Variants in NOP9 observed in about 807,000 individuals in gnomAD.
NOP9 encodes nucleolar protein 9.
Under a neutral mutation model 63.0 loss-of-function variants are expected in NOP9, and 50 were observed. The observed-to-expected ratio is 0.79, with a 90% CI of 0.63 to 1.00. NOP9 has a LOEUF of 1.00. Ranked by LOEUF, NOP9 falls within the 50% of genes least tolerant of loss-of-function variation. NOP9 has a pLI of 0.00. For missense variants in NOP9, 758 were observed against 803.0 expected (o/e 0.94, Z 0.68); for synonymous variants, 343 against 332.8 (o/e 1.03, Z -0.33).
In NOP9 at chr14:24,302,347, C is replaced by T; in HGVS notation, c.1066C>T (p.Leu356=). 1 of 1,614,174 alleles carries T rather than the reference C, an allele frequency of 6.2e-7. No homozygotes were observed. Among genetic ancestry groups the T allele is most frequent in the South Asian group, 1.1e-5 (1 of 91,084 alleles). The change falls in exon 5 of 10, where the codon CTG becomes TTG. Residue 356 remains leucine, a synonymous_variant. Transcript: ENST00000267425. ...SLFEEHLQGQ[L]QTLAAHPIAN... ...CTTTGAGGAGCACTTGCAGGGGCAGCTGCAGACCCTGGCTGCACATCCCAT... is the reference window on the plus strand; with the variant it reads ...CTTTGAGGAGCACTTGCAGGGGCAGTTGCAGACCCTGGCTGCACATCCCAT...
At chr14:24,277,524 A>G in the NOP9 span, among the ~76,000 whole-genome samples, 2 of 152,176 alleles carry the variant, frequency 1.3e-5, no homozygotes, top group Non-Finnish European at 2.9e-5. Flanking sequence ...AGAAATGGAC[A>G]ACGAAGAGAG....
chr14:24,285,272 C>T, the NOP9 span, among the ~76,000 whole-genome samples: 1 of 152,188 alleles, frequency 6.6e-6, no homozygotes, highest in African/African-American at 2.4e-5. Context: ...TCTAGGCATT[C>T]ACACTGCTTC....
chr14:24,307,920 G>A lies in NOP9; in HGVS notation c.*2825G>A. The A allele has an allele frequency of 1.4e-6, 2 of 1,426,744 alleles. No homozygotes were observed. The highest frequency in any genetic ancestry group is 1.9e-6 in the Non-Finnish European group (2 of 1,031,980). 88.4% of individuals were successfully genotyped at this position (1,426,744 alleles called of 1,614,324 possible). A position where few individuals can be genotyped will look rare whatever the true frequency, so the allele number is the denominator to read the frequency against. ...CTGGGTGGTTCTCTCCTGTGCTGGG[G>A]CTTTAGTGGTGTTTTCTGTTACAAA... On this transcript the variant is annotated 3_prime_UTR_variant, in exon 10 of 10. Transcript: ENST00000267425.
At position 24,306,144 on chromosome 14, in the gene NOP9, G is replaced by A; in HGVS notation, c.*1049G>A. The A allele has an allele frequency of 6.2e-7, 1 of 1,612,246 alleles. No homozygotes were observed. The highest frequency in any genetic ancestry group is 8.5e-7 in the Non-Finnish European group (1 of 1,178,940). On this transcript the variant is annotated 3_prime_UTR_variant, in exon 10 of 10. Coordinates refer to ENST00000267425, the MANE Select transcript of NOP9 (RefSeq NM_174913.3). ...CATATGACAGCACTCCACTCTGTAG[G>A]ACACCCTTGTCAGTGCAGTAGATCC... is the stretch of plus-strand genomic sequence containing the variant.
chr14:24,290,005 G>T, the NOP9 span, among the ~76,000 whole-genome samples: 146 of 152,376 alleles, frequency 9.6e-4, no homozygotes, highest in Non-Finnish European at 1.7e-3. Flanking sequence ...ACTTTGGATG[G>T]TTATCTAGGC....
At chr14:24,301,199 C>T (rs2041370704) in intron 2 of NOP9, among the ~76,000 whole-genome samples, 1 of 152,108 alleles carries the variant, frequency 6.6e-6, no homozygotes, top group Admixed American at 6.5e-5. Flanking sequence ...ACATGCAGCC[C>T]ACTCTGTTAT....
chr14:24,282,535 C>G, the NOP9 span, among the ~76,000 whole-genome samples: 1 of 152,156 alleles, frequency 6.6e-6, no homozygotes, highest in South Asian at 2.1e-4. Context: ...CACCTTTGCT[C>G]CCTCTTGCTT....
chr14:24,291,101 A>G, the NOP9 span: 1 of 1,613,630 alleles, frequency 6.2e-7, no homozygotes. Flanking sequence ...AACAGAGGGA[A>G]CAGCAGTCAA....
chr14:24,303,585 G>A, intron 6 of NOP9, 147 bp from the exon 7 acceptor site: 2 of 771,598 alleles, frequency 2.6e-6, no homozygotes, highest in Admixed American at 4.3e-5. Context: ...TAGAGGCTGG[G>A]GATACAGCAA....
At chr14:24,278,283 A>G in the NOP9 span, among the ~76,000 whole-genome samples, 1 of 152,150 alleles carries the variant, frequency 6.6e-6, no homozygotes, top group Non-Finnish European at 1.5e-5. Flanking sequence ...CATCAGCTCT[A>G]TCTTAGGATA....
At chr14:24,287,225 C>T in the NOP9 span, among the ~76,000 whole-genome samples, 1 of 152,326 alleles carries the variant, frequency 6.6e-6, no homozygotes, top group African/African-American at 2.4e-5. Context: ...CACCTGCAGC[C>T]CTTCTTGGAG....
At chr14:24,296,994 C>G, upstream of NOP9, 1 of 1,453,950 alleles carries the variant, frequency 6.9e-7, no homozygotes, top group Non-Finnish European at 9.4e-7. Context: ...CCTAGGAGAG[C>G]CTGCTGCAGA....
the NOP9 span, chr14:24,291,709 G>A: frequency 7.0e-7 from 1 of 1,430,528 alleles, no homozygotes; most frequent in Non-Finnish European, 9.9e-7. Context: ...TCTGTTCCAG[G>A]AGAAAAAGAC....
At chr14:24,294,559 G>T in the NOP9 span, 7,833 of 152,000 alleles carry the variant, frequency 0.052, 528 homozygotes, top group East Asian at 0.34. Flanking sequence ...CTGCACTCTA[G>T]CCTGGGTGAC....
rs1235304028 is a variant in NOP9, at chr14:24,304,617, C to T, written c.1753+19C>T. The T allele has an allele frequency of 4.4e-5, 68 of 1,554,542 alleles. No individual in the cohort carries two copies. Among genetic ancestry groups the T allele is most frequent in the Non-Finnish European group, 5.9e-5 (67 of 1,143,280 alleles). On this transcript the variant is annotated intron_variant, in intron 9 of 9. Transcript: ENST00000267425. ...GAGCTTGGTGAGTACCAGCCCCTCT[C>T]TTTGATGTTTCCAGACTCTCCCCTC...
In NOP9 at chr14:24,307,593, G is replaced by A; in HGVS notation, c.*2498G>A. The A allele has an allele frequency of 6.6e-7, 1 of 1,513,884 alleles. No homozygotes were observed. The highest frequency in any genetic ancestry group is 9.1e-7 in the Non-Finnish European group (1 of 1,104,516). The allele number at this position is 1,513,884 out of a possible 1,614,324, so 93.8% of individuals were successfully genotyped here. A position where few individuals can be genotyped will look rare whatever the true frequency, so the allele number is the denominator to read the frequency against. ...TAAAGGGCATGATGAGGGTAGAGTG[G>A]CTAGAGGGCTAGGGAGGGAGAGATC... is the stretch of plus-strand genomic sequence containing the variant. On this transcript the variant is annotated 3_prime_UTR_variant, in exon 10 of 10. Transcript: ENST00000267425.
the NOP9 span, among the ~76,000 whole-genome samples, chr14:24,273,083 C>G: frequency 2.6e-5 from 4 of 152,252 alleles, no homozygotes. Flanking sequence ...GTGTGTACCA[C>G]ACGTACACGT....
the NOP9 span, among the ~76,000 whole-genome samples, chr14:24,275,011 C>G: frequency 6.9e-6 from 1 of 145,744 alleles, no homozygotes; most frequent in Non-Finnish European, 1.5e-5. Context: ...CTCCCGGGTT[C>G]AAGCGATTCT....
the NOP9 span, chr14:24,292,991 G>T: frequency 1.8e-6 from 1 of 542,650 alleles, no homozygotes; most frequent in Non-Finnish European, 3.1e-6. Context: ...ATGAGAAACA[G>T]CAATCTTTGG....
Sources: allele counts gnomAD v4.1 joint callset (sites outside exome capture counted in the v4.1 genomes callset), GRCh38; gene constraint gnomAD v4.1.1; transcripts MANE v1.5; gene names NCBI Gene and HGNC (gene_info 2026-07-23, HGNC 2026-07-21).